The following DMD variants were observed in gnomAD, a reference collection of about 807,000 sequenced individuals.
DMD encodes the protein mutant dystrophin.
DMD carries 63 observed loss-of-function variants against 330.1 expected under a neutral mutation model. The ratio of observed to expected loss-of-function variants is 0.19; its 90% CI spans 0.16 to 0.24. The LOEUF (loss-of-function observed/expected upper bound fraction) is 0.24, where lower values mean the gene tolerates loss of function less well. Among genes scored for constraint, DMD ranks in the 10% least tolerant of loss-of-function variants. DMD has a pLI of 1.00. For synonymous variants in DMD, 1,223 were observed against 959.8 expected (o/e 1.27, Z -5.07); for missense variants, 3,344 against 2,684.1 (o/e 1.25, Z -5.43).
intron 1 of DMD, among the ~76,000 whole-genome samples, chrX:33,253,377 C>G (rs187383650): frequency 9.0e-6 from 1 of 111,624 alleles, no homozygotes; most frequent in South Asian, 3.6e-4. Context: ...ACACGAACTA[C>G]TTCTACTAAT....
At chrX:33,103,690 GT>G (rs368992792) in intron 1 of DMD, among the ~76,000 whole-genome samples, 107 of 111,615 alleles carry the variant, frequency 9.6e-4, no homozygotes, top group African/African-American at 3.4e-3. Flanking sequence ...CACAAAGCCT[GT>G]TTGGTGGTCT....
chrX:31,201,185 ACACACACACACACG>A (rs1167809644), intron 67 of DMD, among the ~76,000 whole-genome samples: 7 of 108,426 alleles, frequency 6.5e-5, no homozygotes, highest in South Asian at 4.1e-4. Context: ...ACACACACAC[ACACACACACACACG>A]CACACACACA....
intron 51 of DMD, among the ~76,000 whole-genome samples, chrX:31,751,482 G>A (rs918730976): frequency 9.0e-6 from 1 of 111,678 alleles, no homozygotes; most frequent in Non-Finnish European, 1.9e-5. Context: ...AAAGCAGAAG[G>A]GAAAACTACA....
At chrX:31,929,821 A>G in intron 46 of DMD, 76 bp from the exon 47 acceptor site, 1 of 1,145,491 alleles carries the variant, frequency 8.7e-7, no homozygotes. Context: ...GCTTCTATTG[A>G]TTAGTCTATC....
chrX:32,048,679 C>A (rs2096082139), intron 44 of DMD, among the ~76,000 whole-genome samples: 1 of 110,538 alleles, frequency 9.0e-6, no homozygotes. Flanking sequence ...GCCTCCCCTG[C>A]TAAAATGTAA....
intron 50 of DMD, among the ~76,000 whole-genome samples, chrX:31,804,573 A>G (rs1230696251): frequency 1.8e-5 from 2 of 111,835 alleles, no homozygotes; most frequent in African/African-American, 6.5e-5. Flanking sequence ...TTCAAATAAA[A>G]TGTGTTTGAT....
intron 44 of DMD, among the ~76,000 whole-genome samples, chrX:32,116,579 A>G (rs908500103): frequency 8.9e-6 from 1 of 111,972 alleles, no homozygotes; most frequent in African/African-American, 3.2e-5. Context: ...AGCTAAAGCC[A>G]TTTGAGGATC....
intron 61 of DMD, among the ~76,000 whole-genome samples, chrX:31,333,338 T>C (rs2057236846): frequency 9.1e-6 from 1 of 109,417 alleles, no homozygotes. Context: ...GGGTGATTCA[T>C]GTTAATGGAA....
chrX:32,469,820 T>A, intron 22 of DMD, among the ~76,000 whole-genome samples: 1 of 111,440 alleles, frequency 9.0e-6, no homozygotes, highest in Non-Finnish European at 1.9e-5. Context: ...AAATTATGTT[T>A]ATCTCTATCT....
Position 33,194,481 on chromosome X carries a change from T to A in DMD, c.31+16801A>T, listed in dbSNP as rs776000892. On this transcript the variant is annotated intron_variant, in intron 1 of 78. Transcript: ENST00000357033. ...AATATACACTTTCATTAAGAAAAAATTTAATTATGGAACTATCATCATAAA... is the reference window on the plus strand; with the variant it reads ...AATATACACTTTCATTAAGAAAAAAATTAATTATGGAACTATCATCATAAA... 2.2e-3 allele frequency among the ~76,000 whole-genome samples: 238 copies of A among 110,522 alleles called. 2 individuals are homozygous for A. The highest frequency in any genetic ancestry group is 7.6e-3 in the African/African-American group (233 of 30,460).
chrX:32,356,514 G>A (rs1256132034), intron 37 of DMD, among the ~76,000 whole-genome samples: 1 of 109,769 alleles, frequency 9.1e-6, no homozygotes, highest in Non-Finnish European at 1.9e-5. Flanking sequence ...TATAGAAACT[G>A]CTACATGAAT....
At chrX:32,587,111 T>C (rs927799722) in intron 13 of DMD, among the ~76,000 whole-genome samples, 1 of 111,896 alleles carries the variant, frequency 8.9e-6, no homozygotes, top group African/African-American at 3.2e-5. Flanking sequence ...TTTCTCATAC[T>C]ATCCCGAAGA....
In DMD at chrX:31,832,810, C is replaced by T. The variant is rs374510339; in HGVS notation, c.7200+3908G>A. ...TAATGCTCTCAGTTCTAATACATGG[C>T]AGGTGATGTAAGCATTGAAAGTACA... On this transcript the variant is annotated intron_variant, in intron 49 of 78. Transcript: ENST00000357033. 2.8e-4 allele frequency among the ~76,000 whole-genome samples: 31 copies of T among 112,157 alleles called. No homozygotes were observed. In the South Asian group the frequency reaches 0.011, roughly 40 times the overall value.
At position 33,092,844 on chromosome X, in the gene DMD, C is replaced by T. The variant is rs774392340; in HGVS notation, c.32-72644G>A. 5.5e-3 allele frequency among the ~76,000 whole-genome samples: 606 copies of T among 110,074 alleles called. 3 individuals carry two copies. The highest frequency in any genetic ancestry group is 0.019 in the African/African-American group (588 of 30,378). ...GTAGTTCCTCCTCGTCTTGTAGCAC[C>T]GTAATTTTCTTTTTTATTTATTTAT... On this transcript the variant is annotated intron_variant, in intron 1 of 78. Coordinates refer to ENST00000357033, the MANE Select transcript of DMD (RefSeq NM_004006.3).
At chrX:33,083,066 A>G (rs756847289) in intron 1 of DMD, among the ~76,000 whole-genome samples, 1 of 111,904 alleles carries the variant, frequency 8.9e-6, no homozygotes, top group Non-Finnish European at 1.9e-5. Context: ...GAGAGAGACC[A>G]GAAACTTGAC....
intron 43 of DMD, among the ~76,000 whole-genome samples, chrX:32,281,257 A>G (rs2097419822): frequency 8.9e-6 from 1 of 112,054 alleles, no homozygotes; most frequent in Admixed American, 9.5e-5. Context: ...CCACATATTT[A>G]TCTGACAGGC....
intron 21 of DMD, among the ~76,000 whole-genome samples, chrX:32,478,218 C>A (rs918113040): frequency 9.0e-6 from 1 of 111,078 alleles, no homozygotes; most frequent in Non-Finnish European, 1.9e-5. Flanking sequence ...AATATGAAAT[C>A]GAGTCCAATT....
intron 7 of DMD, among the ~76,000 whole-genome samples, chrX:32,786,485 G>A (rs761790926): frequency 9.0e-5 from 10 of 111,185 alleles, no homozygotes; most frequent in Non-Finnish European, 1.9e-4. Flanking sequence ...TGTCATACTT[G>A]CAAGATTTGT....
Position 33,120,836 on chromosome X carries a change from G to A in DMD, c.31+90446C>T, listed in dbSNP as rs1261000425. Among the ~76,000 whole-genome samples the A allele has an allele frequency of 1.1e-4, 10 of 90,888 alleles. No individual in the cohort carries two copies. In the South Asian group the frequency reaches 4.1e-3, roughly 37 times the overall value. The allele number at this position is 90,888 out of a possible 115,157, so 78.9% of individuals were successfully genotyped here. A position where few individuals can be genotyped will look rare whatever the true frequency, so the allele number is the denominator to read the frequency against. ...GCGGAGGTTGCAGTGAGCTGAGATC[G>A]TGCCACTGCACTCCAGCCTGGGTGA... On this transcript the variant is annotated intron_variant, in intron 1 of 78. Transcript: ENST00000357033.
Sources: allele counts gnomAD v4.1 joint callset (sites outside exome capture counted in the v4.1 genomes callset), GRCh38; gene constraint gnomAD v4.1.1; transcripts MANE v1.5; gene names NCBI Gene and HGNC (gene_info 2026-07-23, HGNC 2026-07-21).